RAP1GAP2: variants seen among roughly 807,000 people sequenced by gnomAD.
RAP1GAP2 encodes the protein RAP1 GTPase activating protein 2.
In RAP1GAP2, 27 loss-of-function variants were observed where a neutral mutation model predicts 95.0. The observed-to-expected ratio is 0.28, with a 90% CI of 0.21 to 0.39. The LOEUF (loss-of-function observed/expected upper bound fraction) is 0.39. Ranked by LOEUF, RAP1GAP2 falls within the 10% of genes least tolerant of loss-of-function variation. RAP1GAP2 has a pLI of 1.00. For missense variants in RAP1GAP2, 771 were observed against 970.0 expected (o/e 0.79, Z 2.72); for synonymous variants, 373 against 380.9 (o/e 0.98, Z 0.24).
intron 1 of RAP1GAP2, among the ~76,000 whole-genome samples, chr17:2,756,646 C>T (rs1395200842): frequency 6.6e-6 from 1 of 152,150 alleles, no homozygotes; most frequent in Non-Finnish European, 1.5e-5. Context: ...CAAATCATCC[C>T]ACACACAGCA....
intron 2 of RAP1GAP2, among the ~76,000 whole-genome samples, chr17:2,856,010 A>G (rs1181310779): frequency 6.6e-6 from 1 of 152,256 alleles, no homozygotes; most frequent in African/African-American, 2.4e-5. Context: ...GGCTGATGCC[A>G]GCGACATGTG....
chr17:2,836,496 G>T (rs1298164468), intron 2 of RAP1GAP2, among the ~76,000 whole-genome samples: 3 of 152,068 alleles, frequency 2.0e-5, no homozygotes, highest in African/African-American at 7.2e-5. Context: ...GCTGGGCATG[G>T]TGGCGGGCAA....
rs1177374622 is a variant in RAP1GAP2 at position 3,003,701 on chromosome 17, C to T, written c.1201-1668C>T. On this transcript the variant is annotated intron_variant, in intron 14 of 24. Coordinates refer to ENST00000254695, the MANE Select transcript of RAP1GAP2 (RefSeq NM_015085.5). This position sits in a 1 kb window ranked among gnomAD's most constrained non-coding sequence, Gnocchi z 4.1. ...TCCCTCCAAGCCCTCGCTGGAGGCC[C>T]TCGCTGCATTTAGAAAACAGGAAGG... Among the ~76,000 whole-genome samples, 1 of 152,210 alleles carries T rather than the reference C, an allele frequency of 6.6e-6. No homozygotes were observed. Among genetic ancestry groups the T allele is most frequent in the Non-Finnish European group, 1.5e-5 (1 of 68,042 alleles).
rs2042212966 is a variant in RAP1GAP2, at chr17:2,906,832, A to G, written c.165+1464A>G. 6.6e-6 allele frequency among the ~76,000 whole-genome samples: 1 copy of G among 152,102 alleles called. No individual in the cohort carries two copies. Among genetic ancestry groups the G allele is most frequent in the Non-Finnish European group, 1.5e-5 (1 of 68,008 alleles). ...TACTCATTTAATTCATTTAATACCCAGTATTTATTTGAATTTTGTATTAGT... is the reference window on the plus strand; with the variant it reads ...TACTCATTTAATTCATTTAATACCCGGTATTTATTTGAATTTTGTATTAGT... On this transcript the variant is annotated intron_variant, in intron 3 of 24. Transcript: ENST00000254695. This position sits in a 1 kb window ranked among gnomAD's most constrained non-coding sequence, Gnocchi z 4.3.
chr17:2,837,391 G>C (rs1300304758), intron 2 of RAP1GAP2, among the ~76,000 whole-genome samples: 1 of 152,046 alleles, frequency 6.6e-6, no homozygotes, highest in Non-Finnish European at 1.5e-5. Context: ...TGGTGTCAGA[G>C]TGCTCCCCAG....
At chr17:2,767,542 C>A (rs531618660) in intron 1 of RAP1GAP2, among the ~76,000 whole-genome samples, 1 of 151,696 alleles carries the variant, frequency 6.6e-6, no homozygotes, top group East Asian at 1.9e-4. Flanking sequence ...TAAAGATAAG[C>A]GAGTATGAAT....
Position 3,005,942 on chromosome 17 carries a change from T to G in RAP1GAP2, c.1273-13T>G. 1.2e-6 allele frequency: 2 copies of G among 1,612,284 alleles called. No homozygotes were observed. Among genetic ancestry groups the G allele is most frequent in the South Asian group, 2.2e-5 (2 of 91,022 alleles). On this transcript the variant is annotated splice_polypyrimidine_tract_variant and intron_variant, in intron 15 of 24. Coordinates refer to ENST00000254695, the MANE Select transcript of RAP1GAP2 (RefSeq NM_015085.5). This position sits in a 1 kb window ranked among gnomAD's most constrained non-coding sequence, Gnocchi z 5.2. Reference sequence around the variant, plus strand: ...GAGAGTGACAGACCTGAGGTCCGTCTTGTCTCTTCCAGGGCCCGGAATTCA... The same window carrying G: ...GAGAGTGACAGACCTGAGGTCCGTCGTGTCTCTTCCAGGGCCCGGAATTCA...
At chr17:2,853,558 G>A (rs907108636) in intron 2 of RAP1GAP2, among the ~76,000 whole-genome samples, 114 of 151,070 alleles carry the variant, frequency 7.5e-4, no homozygotes, top group Non-Finnish European at 1.4e-3. Context: ...TGGGAGCCGG[G>A]CAGGGGGGTC....
At chr17:2,865,859 C>G (rs2072593588) in intron 2 of RAP1GAP2, among the ~76,000 whole-genome samples, 1 of 152,202 alleles carries the variant, frequency 6.6e-6, no homozygotes, top group South Asian at 2.1e-4. Flanking sequence ...GGCATCTGCC[C>G]CTCTCTTTCC....
intron 2 of RAP1GAP2, among the ~76,000 whole-genome samples, chr17:2,869,082 A>T (rs777886754): frequency 6.6e-6 from 1 of 152,086 alleles, no homozygotes; most frequent in Non-Finnish European, 1.5e-5. Context: ...GATTCCATTC[A>T]TGAGGGCTTC....
intron 2 of RAP1GAP2, among the ~76,000 whole-genome samples, chr17:2,802,854 G>T (rs866727213): frequency 6.6e-6 from 1 of 152,192 alleles, no homozygotes; most frequent in Non-Finnish European, 1.5e-5. Context: ...GTGTGCATCA[G>T]TGCAGACCCA....
rs746140059 is a variant in RAP1GAP2 at position 2,963,379 on chromosome 17, T to C, written c.247-51T>C. ...CAAGACCTGGAAACAGTGGTCAGAC[T>C]TTACGGGCACTGCCGGGACTAACGG... On this transcript the variant is annotated intron_variant, in intron 5 of 24. Coordinates refer to ENST00000254695, the MANE Select transcript of RAP1GAP2 (RefSeq NM_015085.5). This position sits in a 1 kb window ranked among gnomAD's most constrained non-coding sequence, Gnocchi z 4.8. The C allele has an allele frequency of 2.5e-6, 4 of 1,611,710 alleles. No individual in the cohort carries two copies. Among genetic ancestry groups the C allele is most frequent in the Non-Finnish European group, 3.4e-6 (4 of 1,178,304 alleles).
intron 3 of RAP1GAP2, among the ~76,000 whole-genome samples, chr17:2,933,101 C>G (rs1015202186): frequency 4.6e-5 from 7 of 152,142 alleles, no homozygotes; most frequent in Non-Finnish European, 1.0e-4. Flanking sequence ...AGCCAGCCAG[C>G]CAGACAGTGG....
At chr17:2,915,535 C>T (rs1359672450) in intron 3 of RAP1GAP2, among the ~76,000 whole-genome samples, 1 of 152,058 alleles carries the variant, frequency 6.6e-6, no homozygotes, top group African/African-American at 2.4e-5. Flanking sequence ...GCGCCTGGCC[C>T]ATTTCTTTTC....
intron 11 of RAP1GAP2, among the ~76,000 whole-genome samples, chr17:2,989,140 G>C (rs1180733471): frequency 6.6e-6 from 1 of 152,112 alleles, no homozygotes; most frequent in Admixed American, 6.6e-5. Context: ...CTCACCAGCA[G>C]TGTATGAGTG....
intron 2 of RAP1GAP2, among the ~76,000 whole-genome samples, chr17:2,900,319 G>A (rs1166697475): frequency 6.6e-6 from 1 of 152,126 alleles, no homozygotes; most frequent in Non-Finnish European, 1.5e-5. Context: ...TTGGACTCTT[G>A]CTTCTGTCTC....
intron 1 of RAP1GAP2, among the ~76,000 whole-genome samples, chr17:2,781,231 C>T (rs898109589): frequency 2.0e-5 from 3 of 152,216 alleles, no homozygotes; most frequent in Admixed American, 6.5e-5. Context: ...GCTGGCTGCG[C>T]TCTGCCAGGT....
intron 13 of RAP1GAP2, among the ~76,000 whole-genome samples, chr17:2,996,925 A>G (rs2045978606): frequency 6.6e-6 from 1 of 152,180 alleles, no homozygotes; most frequent in South Asian, 2.1e-4. Context: ...GTGCTTAACA[A>G]AGGAACAAAT....
chr17:2,820,237 C>T (rs557455227), intron 2 of RAP1GAP2, among the ~76,000 whole-genome samples: 1 of 152,216 alleles, frequency 6.6e-6, no homozygotes, highest in Admixed American at 6.5e-5. Flanking sequence ...CCTTGCCTGG[C>T]CCTCTGTGCG....
Sources: allele counts gnomAD v4.1 joint callset (sites outside exome capture counted in the v4.1 genomes callset), GRCh38; gene constraint gnomAD v4.1.1; non-coding constraint Gnocchi (gnomAD v3.1); transcripts MANE v1.5; gene names NCBI Gene and HGNC (gene_info 2026-07-23, HGNC 2026-07-21).